USH2A: variants seen among roughly 807,000 people sequenced by gnomAD.
The protein encoded by USH2A is usherin.
In USH2A, 443 loss-of-function variants were observed where a neutral mutation model predicts 538.9. That is an observed-to-expected ratio of 0.82 (90% CI 0.76 to 0.89). USH2A has a LOEUF of 0.89. USH2A is among the 40% of genes least tolerant of loss of function. The probability of loss-of-function intolerance (pLI) is 0.00; values close to 1 mark genes in which losing one functional copy is unlikely to be tolerated. For missense variants in USH2A, 6,633 were observed against 6,324.8 expected, an observed-to-expected ratio of 1.05 and a Z score of -1.65; for synonymous variants, 2,413 against 2,273.5, an observed-to-expected ratio of 1.06 and a Z score of -1.75.
rs1173600555 is a variant in USH2A, at chr1:215,758,597, G to A, written c.11387C>T (p.Pro3796Leu). The A allele has an allele frequency of 2.5e-6, 4 of 1,606,472 alleles. No individual in the cohort carries two copies. The Admixed American group carries it at 6.7e-5, about 27-fold the overall frequency. The change falls in exon 58 of 72, where the codon CCA becomes CTA. Residue 3796 changes from proline (P) to leucine (L), a missense_variant and splice_region_variant. Coordinates refer to ENST00000307340, the MANE Select transcript of USH2A (RefSeq NM_206933.4). ...PYSIFVAWIP[P>L]GILIPEIPVE... ...ACATACTTCTTTTTTTTTTTTACCT[G>A]GTGGTATCCAAGCTACAAATATAGA...
intron 4 of USH2A, among the ~76,000 whole-genome samples, chr1:216,351,328 T>A (rs1180796517): frequency 6.6e-6 from 1 of 152,050 alleles, no homozygotes; most frequent in Non-Finnish European, 1.5e-5. Flanking sequence ...GAAAGATGTA[T>A]TTAAGAAACT....
At chr1:216,240,467 A>G (rs918926272) in intron 13 of USH2A, among the ~76,000 whole-genome samples, 1 of 151,904 alleles carries the variant, frequency 6.6e-6, no homozygotes, top group African/African-American at 2.4e-5. Context: ...CTGATAGGCA[A>G]AAGGGTCCAC....
At position 216,324,212 on chromosome 1, in the gene USH2A, T is replaced by C; in HGVS notation, c.1284A>G (p.Gly428=). Residue 428 remains glycine, a synonymous_variant, in exon 7 of 72, where the codon GGA becomes GGG. Transcript: ENST00000307340. ...NCGAFGMKNN[G]DLEKPDSVNC... is the part of the protein sequence containing the mutation. ...TGACAGAATCAGGTTTTTCCAAATCTCCATTGTTTTTCATTCCAAAAGCAC... is the reference window on the plus strand; with the variant it reads ...TGACAGAATCAGGTTTTTCCAAATCCCCATTGTTTTTCATTCCAAAAGCAC... The C allele has an allele frequency of 6.2e-7, 1 of 1,613,342 alleles. No individual in the cohort carries two copies.
chr1:215,982,850 G>A (rs1043065005), intron 35 of USH2A, among the ~76,000 whole-genome samples: 4 of 152,194 alleles, frequency 2.6e-5, no homozygotes, highest in Admixed American at 2.0e-4. Flanking sequence ...TGGATAGAAG[G>A]AAAACATGGG....
chr1:216,035,470 C>T lies in USH2A; in HGVS notation c.6325+10961G>A, dbSNP rs181286626. Among the ~76,000 whole-genome samples, 453 of 152,244 alleles carry T rather than the reference C, an allele frequency of 3.0e-3. 5 individuals are homozygous for T. Among genetic ancestry groups the T allele is most frequent in the Non-Finnish European group, 3.2e-3 (219 of 68,022 alleles). ...TCCTCCTCATAGCCTTCAGAAGAAACCAGTCTTGCCAATATCTTGATCTGG... is the reference window on the plus strand; with the variant it reads ...TCCTCCTCATAGCCTTCAGAAGAAATCAGTCTTGCCAATATCTTGATCTGG... On this transcript the variant is annotated intron_variant, in intron 32 of 71. Transcript: ENST00000307340.
chr1:216,039,442 G>A (rs533943569), intron 32 of USH2A, among the ~76,000 whole-genome samples: 1 of 152,040 alleles, frequency 6.6e-6, no homozygotes, highest in African/African-American at 2.4e-5. Flanking sequence ...GTGACTCATG[G>A]ATGAGACCGT....
rs79650190 is a variant in USH2A at position 216,321,845 on chromosome 1, T to A, written c.1644+38A>T. On this transcript the variant is annotated intron_variant, in intron 9 of 71. Coordinates refer to ENST00000307340, the MANE Select transcript of USH2A (RefSeq NM_206933.4). Reference sequence around the variant, plus strand: ...GAATTTATAGTCACCATCTCTACTATTTTTTTTTTAGATTTCCATGCATAA... The same window carrying A: ...GAATTTATAGTCACCATCTCTACTAATTTTTTTTTAGATTTCCATGCATAA... 2.1e-5 allele frequency: 26 copies of A among 1,226,070 alleles called. No homozygotes were observed. The East Asian group carries it at 6.4e-4, about 30-fold the overall frequency. 75.9% of individuals were successfully genotyped at this position (1,226,070 alleles called of 1,614,324 possible). A position where few individuals can be genotyped will look rare whatever the true frequency, so the allele number is the denominator to read the frequency against.
At chr1:216,387,091 TAAAG>T (rs2039021382) in intron 3 of USH2A, among the ~76,000 whole-genome samples, 1 of 152,144 alleles carries the variant, frequency 6.6e-6, no homozygotes, top group Non-Finnish European at 1.5e-5. Context: ...ATAAAAGAGA[TAAAG>T]AATCCAGAAT....
At chr1:216,070,406 C>A in intron 29 of USH2A, 114 bp from the exon 30 acceptor site, 1 of 975,064 alleles carries the variant, frequency 1.0e-6, no homozygotes, top group South Asian at 1.4e-5. Flanking sequence ...AGCATAAATA[C>A]AATTTATTAG....
chr1:216,023,459 C>CAAAAAAAAAAAAAAAAAAAAAAAAAAAAA lies in USH2A; in HGVS notation c.6326-22898_6326-22897insTTTTTTTTTTTTTTTTTTTTTTTTTTTTT. 3.2e-4 allele frequency among the ~76,000 whole-genome samples: 15 copies of CAAAAAAAAAAAAAAAAAAAAAAAAAAAAA among 46,952 alleles called. 1 individual carries two copies. The highest frequency in any genetic ancestry group is 5.5e-4 in the African/African-American group (6 of 10,986). The allele number at this position is 46,952 out of a possible 152,430, so 30.8% of individuals were successfully genotyped here. A position where few individuals can be genotyped will look rare whatever the true frequency, so the allele number is the denominator to read the frequency against. On this transcript the variant is annotated intron_variant, in intron 32 of 71. Transcript: ENST00000307340. ...CCTCTTAAAAACTGTTCAAAGCAGACAAAAAAAAAAAAAAAAAAAAAAATC... is the reference window on the plus strand; with the variant it reads ...CCTCTTAAAAACTGTTCAAAGCAGACAAAAAAAAAAAAAAAAAAAAAAAAAAAAAAAAAAAAAAAAAAAAAAAAAAAATC...
chr1:216,306,998 G>T (rs1375996533), intron 9 of USH2A, among the ~76,000 whole-genome samples: 5 of 152,142 alleles, frequency 3.3e-5, no homozygotes, highest in Admixed American at 6.6e-5. Flanking sequence ...CACTAGTTTT[G>T]TGTTGGTTGG....
chr1:215,650,475 A>G, intron 65 of USH2A, 117 bp downstream of exon 65: 1 of 1,215,564 alleles, frequency 8.2e-7, no homozygotes, highest in Non-Finnish European at 1.2e-6. Context: ...ACCGTAGAGC[A>G]ACTGAGAACA....
chr1:216,366,870 C>T (rs1321114437), intron 3 of USH2A, among the ~76,000 whole-genome samples: 2 of 152,090 alleles, frequency 1.3e-5, no homozygotes, highest in Non-Finnish European at 2.9e-5. Flanking sequence ...ATTTTTTTTG[C>T]ATCCCATTTT....
intron 40 of USH2A, among the ~76,000 whole-genome samples, chr1:215,894,097 A>T (rs568839749): frequency 2.0e-5 from 3 of 152,264 alleles, no homozygotes; most frequent in African/African-American, 7.2e-5. Flanking sequence ...ACTGTTTGAA[A>T]GGAAAAACAT....
At chr1:216,265,007 C>T (rs1300491565) in intron 11 of USH2A, among the ~76,000 whole-genome samples, 2 of 152,036 alleles carry the variant, frequency 1.3e-5, no homozygotes, top group Non-Finnish European at 2.9e-5. Flanking sequence ...TTGGTCTGGG[C>T]AAATGGAATT....
chr1:216,306,014 T>A (rs2037310247), intron 9 of USH2A, among the ~76,000 whole-genome samples: 1 of 152,192 alleles, frequency 6.6e-6, no homozygotes, highest in Admixed American at 6.5e-5. Flanking sequence ...TGTGATGAAT[T>A]TCCCAGGTGT....
intron 63 of USH2A, among the ~76,000 whole-genome samples, chr1:215,671,701 C>T (rs1657823858): frequency 6.6e-6 from 1 of 152,154 alleles, no homozygotes; most frequent in African/African-American, 2.4e-5. Flanking sequence ...TGGTACTCTT[C>T]AGAATTACTT....
intron 49 of USH2A, among the ~76,000 whole-genome samples, chr1:215,809,645 T>C (rs1158008108): frequency 6.6e-6 from 1 of 152,164 alleles, no homozygotes; most frequent in East Asian, 1.9e-4. Context: ...CAGTTAATTG[T>C]TATTCTTATC....
At chr1:216,035,338 A>T (rs1669224483) in intron 32 of USH2A, among the ~76,000 whole-genome samples, 1 of 152,192 alleles carries the variant, frequency 6.6e-6, no homozygotes, top group Non-Finnish European at 1.5e-5. Context: ...CACAGGGAAA[A>T]CATTATGTGA....
Sources: gnomAD v4.1 joint callset for allele counts (sites outside exome capture counted in the v4.1 genomes callset) on GRCh38, gnomAD v4.1.1 for gene constraint, MANE v1.5 for transcripts, NCBI Gene and HGNC (gene_info 2026-07-23, HGNC 2026-07-21) for gene names.